The following VOPP1 variants were observed in gnomAD, a reference collection of about 807,000 sequenced individuals.
VOPP1 encodes VOPP1 WW domain binding protein.
Under a neutral mutation model 23.5 loss-of-function variants are expected in VOPP1, and 8 were observed. The observed-to-expected ratio is 0.34, with a 90% CI of 0.20 to 0.61. The LOEUF (loss-of-function observed/expected upper bound fraction) is 0.61, where lower values mean the gene tolerates loss of function less well. Ranked by LOEUF, VOPP1 falls within the 20% of genes least tolerant of loss-of-function variation. The pLI is 0.78. For synonymous variants in VOPP1, 83 were observed against 97.3 expected (o/e 0.85, Z 0.86); for missense variants, 174 against 238.1 (o/e 0.73, Z 1.77).
chr7:55,536,319 A>G (rs1044427857), intron 1 of VOPP1, among the ~76,000 whole-genome samples: 1 of 152,204 alleles, frequency 6.6e-6, no homozygotes, highest in Non-Finnish European at 1.5e-5. Flanking sequence ...ACCTGAGGTC[A>G]GGAGTCTAAG....
intron 2 of VOPP1, among the ~76,000 whole-genome samples, chr7:55,511,401 C>T (rs527269168): frequency 9.2e-5 from 14 of 152,278 alleles, no homozygotes; most frequent in Admixed American, 3.3e-4. Context: ...TCATACCAAA[C>T]GGAACTTTTA....
intron 1 of VOPP1, among the ~76,000 whole-genome samples, chr7:55,551,360 C>T (rs1389567777): frequency 2.6e-5 from 4 of 152,306 alleles, no homozygotes; most frequent in South Asian, 2.1e-4. Flanking sequence ...ACGTGCACAC[C>T]GTACACCTGT....
chr7:55,497,553 ATGGG>A lies in VOPP1; in HGVS notation c.191+56_191+59del, dbSNP rs758847862. Reference sequence around the variant, plus strand: ...CGCATCCAAGGCTGTGACAACACTGATGGGGGGGGGGGGGGGGCAGAGCTCTCGG... The same window carrying A: ...CGCATCCAAGGCTGTGACAACACTGAGGGGGGGGGGGGGCAGAGCTCTCGG... On this transcript the variant is annotated intron_variant, in intron 3 of 4. Coordinates refer to ENST00000285279, the MANE Select transcript of VOPP1 (RefSeq NM_030796.5). 2.4e-4 allele frequency: 228 copies of A among 936,774 alleles called. 3 individuals are homozygous for A. Among genetic ancestry groups the A allele is most frequent in the Middle Eastern group, 1.0e-3 (3 of 2,966 alleles). 58.0% of individuals were successfully genotyped at this position (936,774 alleles called of 1,614,324 possible). A position where few individuals can be genotyped will look rare whatever the true frequency, so the allele number is the denominator to read the frequency against.
At chr7:55,457,704 T>C (rs1036275785) in intron 4 of VOPP1, among the ~76,000 whole-genome samples, 1 of 152,166 alleles carries the variant, frequency 6.6e-6, no homozygotes, top group Non-Finnish European at 1.5e-5. Flanking sequence ...ATTTCCCTGA[T>C]GGCTAGTGAT....
At chr7:55,537,717 T>C in intron 1 of VOPP1, 2 of 1,419,216 alleles carry the variant, frequency 1.4e-6, no homozygotes. Flanking sequence ...GCTACAAGGA[T>C]TCAAGAAGCC....
chr7:55,487,902 C>A (rs1793263198), intron 4 of VOPP1, among the ~76,000 whole-genome samples: 1 of 152,248 alleles, frequency 6.6e-6, no homozygotes, highest in African/African-American at 2.4e-5. Flanking sequence ...GCCTACAGTG[C>A]TGCCTCAGCC....
intron 4 of VOPP1, among the ~76,000 whole-genome samples, chr7:55,479,569 T>C (rs768194024): frequency 2.6e-5 from 4 of 152,190 alleles, no homozygotes; most frequent in Non-Finnish European, 5.9e-5. Flanking sequence ...ACAGTAATAG[T>C]TTTGTTTCTC....
intron 4 of VOPP1, among the ~76,000 whole-genome samples, chr7:55,444,078 C>T (rs1488551169): frequency 7.7e-6 from 1 of 129,476 alleles, no homozygotes; most frequent in Non-Finnish European, 1.7e-5. Context: ...GGCCCTTTAT[C>T]TATTGCTGTG....
intron 1 of VOPP1, among the ~76,000 whole-genome samples, chr7:55,551,419 T>A (rs1797601293): frequency 1.3e-5 from 2 of 152,208 alleles, no homozygotes; most frequent in Middle Eastern, 3.4e-3. Context: ...ATGCTTTCCC[T>A]TCAAAATCGG....
chr7:55,543,506 A>C (rs1478215013), intron 1 of VOPP1, among the ~76,000 whole-genome samples: 1 of 152,198 alleles, frequency 6.6e-6, no homozygotes, highest in African/African-American at 2.4e-5. Flanking sequence ...ACTGCTCTCC[A>C]TAGTACTAAC....
At chr7:55,486,138 G>T (rs1793126725) in intron 4 of VOPP1, among the ~76,000 whole-genome samples, 1 of 152,246 alleles carries the variant, frequency 6.6e-6, no homozygotes, top group Admixed American at 6.5e-5. Context: ...AGGACAGTGG[G>T]CAAGGGACTT....
At chr7:55,539,056 G>GGGGC (rs1796984642) in intron 1 of VOPP1, among the ~76,000 whole-genome samples, 1 of 117,454 alleles carries the variant, frequency 8.5e-6, no homozygotes, top group Non-Finnish European at 1.8e-5. Context: ...GGGGGGAGGG[G>GGGGC]CGGGGTGCCG....
At chr7:55,487,642 A>C (rs986426442) in intron 4 of VOPP1, among the ~76,000 whole-genome samples, 10 of 152,202 alleles carry the variant, frequency 6.6e-5, no homozygotes, top group Non-Finnish European at 1.5e-4. Flanking sequence ...ACCATTTCAC[A>C]AAAAACACTA....
At chr7:55,496,062 G>A (rs1238565245) in intron 3 of VOPP1, among the ~76,000 whole-genome samples, 3 of 152,178 alleles carry the variant, frequency 2.0e-5, no homozygotes, top group Non-Finnish European at 4.4e-5. Flanking sequence ...CAGCTTCTGG[G>A]CAGCTCCACA....
chr7:55,535,844 G>A (rs887738162), intron 1 of VOPP1, among the ~76,000 whole-genome samples: 10 of 152,330 alleles, frequency 6.6e-5, no homozygotes, highest in African/African-American at 2.2e-4. Context: ...GGATGCAGTT[G>A]GGGCACTGTC....
At chr7:55,476,238 G>GT (rs1792239667) in intron 4 of VOPP1, among the ~76,000 whole-genome samples, 1 of 152,230 alleles carries the variant, frequency 6.6e-6, no homozygotes, top group Non-Finnish European at 1.5e-5. Flanking sequence ...CTCAGTGGGA[G>GT]TCTTGGCATG....
intron 1 of VOPP1, among the ~76,000 whole-genome samples, chr7:55,568,334 C>A (rs953022266): frequency 1.3e-5 from 2 of 152,178 alleles, no homozygotes; most frequent in Non-Finnish European, 2.9e-5. Flanking sequence ...CCGCCTCGCC[C>A]AAAGTGCCGG....
At chr7:55,505,643 AAGGAAGGAAGGGAGGGAGGG>A (rs1377220878) in intron 2 of VOPP1, among the ~76,000 whole-genome samples, 5 of 93,920 alleles carry the variant, frequency 5.3e-5, no homozygotes, top group Admixed American at 1.5e-4. Flanking sequence ...GGAAAAAAGG[AAGGAAGGAAGGGAGGGAGGG>A]AGGGAGGGAG....
intron 1 of VOPP1, chr7:55,537,443 G>A: frequency 6.5e-7 from 1 of 1,534,440 alleles, no homozygotes; most frequent in Non-Finnish European, 8.7e-7. Context: ...TCCCAGAACT[G>A]AAGCCCAAAC....
Sources: allele counts gnomAD v4.1 joint callset (sites outside exome capture counted in the v4.1 genomes callset), GRCh38; gene constraint gnomAD v4.1.1; transcripts MANE v1.5; gene names NCBI Gene and HGNC (gene_info 2026-07-23, HGNC 2026-07-21).